The following KLHL20 variants were observed in gnomAD, a reference collection of about 807,000 sequenced individuals.
KLHL20 encodes kelch like family member 20, also known as kelch-like protein 20.
A neutral mutation model predicts 69.5 loss-of-function variants in KLHL20; 29 were observed. The ratio of observed to expected loss-of-function variants is 0.42; its 90% CI spans 0.31 to 0.57. The LOEUF (loss-of-function observed/expected upper bound fraction) is 0.57. Ranked by LOEUF, KLHL20 falls within the 20% of genes least tolerant of loss-of-function variation. The probability of loss-of-function intolerance (pLI) is 0.18; values close to 1 mark genes in which losing one functional copy is unlikely to be tolerated. For missense variants in KLHL20, 419 were observed against 776.0 expected, an observed-to-expected ratio of 0.54 and a Z score of 5.47; for synonymous variants, 253 against 265.2, an observed-to-expected ratio of 0.95 and a Z score of 0.45.
intron 2 of KLHL20, among the ~76,000 whole-genome samples, chr1:173,733,021 CTTT>C (rs746523298): frequency 2.4e-5 from 3 of 125,734 alleles, no homozygotes; most frequent in Admixed American, 1.7e-4. Flanking sequence ...TCAATCCAGA[CTTT>C]TTTTTTTTTT....
chr1:173,753,148 A>T, intron 4 of KLHL20, 65 bp from the exon 5 acceptor site: 1 of 1,309,906 alleles, frequency 7.6e-7, no homozygotes, highest in Non-Finnish European at 1.1e-6. Context: ...ACTCCAGCCT[A>T]GGCAACAGAG....
At chr1:173,760,156 A>G (rs1421392294) in intron 7 of KLHL20, among the ~76,000 whole-genome samples, 1 of 152,150 alleles carries the variant, frequency 6.6e-6, no homozygotes, top group African/African-American at 2.4e-5. Flanking sequence ...AATTAACCCA[A>G]TCCAACAAAG....
chr1:173,761,871 C>G (rs569676640), intron 7 of KLHL20, among the ~76,000 whole-genome samples: 1 of 152,206 alleles, frequency 6.6e-6, no homozygotes, highest in African/African-American at 2.4e-5. Context: ...TAACCAAGAT[C>G]AGAGCAGAGC....
intron 3 of KLHL20, among the ~76,000 whole-genome samples, chr1:173,749,971 A>AG (rs1275214717): frequency 1.3e-5 from 2 of 152,182 alleles, no homozygotes; most frequent in Non-Finnish European, 2.9e-5. Context: ...GATAAAATAC[A>AG]GGGCACCCAA....
At chr1:173,773,913 T>G (rs947228197) in intron 8 of KLHL20, among the ~76,000 whole-genome samples, 2 of 150,500 alleles carry the variant, frequency 1.3e-5, no homozygotes, top group African/African-American at 4.9e-5. Context: ...CTCAGGAGGC[T>G]GAGGCAGGAG....
intron 3 of KLHL20, among the ~76,000 whole-genome samples, chr1:173,747,720 ATTTC>A (rs2102492986): frequency 6.6e-6 from 1 of 151,872 alleles, no homozygotes; most frequent in Non-Finnish European, 1.5e-5. Context: ...TATTTACTGT[ATTTC>A]TTTTTCTATG....
chr1:173,763,156 G>A (rs1276502724), intron 7 of KLHL20, among the ~76,000 whole-genome samples: 1 of 151,888 alleles, frequency 6.6e-6, no homozygotes, highest in Non-Finnish European at 1.5e-5. Flanking sequence ...AAATACTTAG[G>A]AATATACCTA....
At chr1:173,733,071 G>C (rs867803413) in intron 2 of KLHL20, among the ~76,000 whole-genome samples, 164 of 145,568 alleles carry the variant, frequency 1.1e-3, no homozygotes, top group Middle Eastern at 0.011. Flanking sequence ...CCAGACTGGA[G>C]TGCAGTGATG....
chr1:173,741,770 C>T (rs1380582954), intron 3 of KLHL20: 31 of 1,472,822 alleles, frequency 2.1e-5, no homozygotes, highest in Non-Finnish European at 2.6e-5. Flanking sequence ...ATTCCTACTT[C>T]ATGGATGTGG....
intron 2 of KLHL20, among the ~76,000 whole-genome samples, chr1:173,726,713 A>G (rs1179839340): frequency 6.6e-6 from 1 of 152,208 alleles, no homozygotes; most frequent in Non-Finnish European, 1.5e-5. Context: ...GAAAACTAAC[A>G]AACAGAAAAT....
At chr1:173,744,265 A>C (rs1042127320) in intron 3 of KLHL20, among the ~76,000 whole-genome samples, 6 of 152,088 alleles carry the variant, frequency 3.9e-5, no homozygotes, top group African/African-American at 1.4e-4. Flanking sequence ...CATCTTTACT[A>C]TTTTTAAGGG....
chr1:173,769,278 G>T (rs976769251), intron 8 of KLHL20, among the ~76,000 whole-genome samples: 1 of 152,042 alleles, frequency 6.6e-6, no homozygotes, highest in African/African-American at 2.4e-5. Flanking sequence ...GATGAGAAAG[G>T]GGGGATGAAG....
intron 3 of KLHL20, among the ~76,000 whole-genome samples, chr1:173,738,283 C>T (rs1368001696): frequency 6.6e-6 from 1 of 152,180 alleles, no homozygotes; most frequent in Non-Finnish European, 1.5e-5. Context: ...ATCCTCCCGC[C>T]TCAGCCCCCC....
At chr1:173,717,339 T>G (rs143167465) in intron 2 of KLHL20, among the ~76,000 whole-genome samples, 2 of 152,362 alleles carry the variant, frequency 1.3e-5, no homozygotes, top group East Asian at 3.9e-4. Context: ...TTTTTCTTGC[T>G]TTATTACATA....
At chr1:173,776,656 C>T (rs1028795440) in intron 10 of KLHL20, among the ~76,000 whole-genome samples, 1 of 152,130 alleles carries the variant, frequency 6.6e-6, no homozygotes, top group African/African-American at 2.4e-5. Flanking sequence ...GTTTTCCCAG[C>T]ACTGTTAATT....
At chr1:173,782,032 T>C (rs970022624) in intron 10 of KLHL20, 92 bp from the exon 11 acceptor site, 6 of 856,122 alleles carry the variant, frequency 7.0e-6, no homozygotes, top group East Asian at 4.9e-5. Flanking sequence ...TAAAGAATTA[T>C]CTTTTGTAAA....
chr1:173,775,197 G>A (rs938623535), intron 9 of KLHL20, among the ~76,000 whole-genome samples: 8 of 144,800 alleles, frequency 5.5e-5, no homozygotes, highest in African/African-American at 1.7e-4. Context: ...GATTCGTCAC[G>A]TCTTGTCTTC....
intron 10 of KLHL20, among the ~76,000 whole-genome samples, chr1:173,779,749 A>C (rs557019647): frequency 6.6e-6 from 1 of 152,270 alleles, no homozygotes; most frequent in African/African-American, 2.4e-5. Context: ...ATTGCAACTT[A>C]ATGTTTCTAG....
At chr1:173,771,754 T>G (rs1024901022) in intron 8 of KLHL20, among the ~76,000 whole-genome samples, 132 of 152,158 alleles carry the variant, frequency 8.7e-4, no homozygotes, top group African/African-American at 3.1e-3. Flanking sequence ...GGTGACAGAC[T>G]GACCCTGTCT....
Sources: gnomAD v4.1 joint callset for allele counts (sites outside exome capture counted in the v4.1 genomes callset) on GRCh38, gnomAD v4.1.1 for gene constraint, MANE v1.5 for transcripts, NCBI Gene and HGNC (gene_info 2026-07-23, HGNC 2026-07-21) for gene names.